MTOR: variants seen among roughly 807,000 people sequenced by gnomAD.
MTOR encodes the protein serine/threonine-protein kinase mTOR.
In MTOR, 70 loss-of-function variants were observed where a neutral mutation model predicts 319.8. The observed-to-expected ratio is 0.22, with a 90% CI of 0.18 to 0.27. The LOEUF (loss-of-function observed/expected upper bound fraction) is 0.27, where lower values mean the gene tolerates loss of function less well. MTOR is among the 10% of genes least tolerant of loss of function. The probability of loss-of-function intolerance (pLI) is 1.00; values close to 1 mark genes in which losing one functional copy is unlikely to be tolerated. For synonymous variants in MTOR, 1,183 were observed against 1,211.4 expected, an observed-to-expected ratio of 0.98 and a Z score of 0.49; for missense variants, 1,890 against 3,274.4, an observed-to-expected ratio of 0.58 and a Z score of 10.32.
At chr1:11,204,514 T>C (rs1557840426) in intron 26 of MTOR, 47 bp downstream of exon 26, 1 of 1,565,590 alleles carries the variant, frequency 6.4e-7, no homozygotes, top group Non-Finnish European at 8.7e-7. Context: ...TTTGTATATA[T>C]CGTTTTCTAT....
At chr1:11,177,477 G>C (rs969414635) in intron 28 of MTOR, among the ~76,000 whole-genome samples, 3 of 152,160 alleles carry the variant, frequency 2.0e-5, no homozygotes, top group African/African-American at 7.2e-5. Flanking sequence ...AGGAACACTT[G>C]AGCCCACGAG....
intron 34 of MTOR, among the ~76,000 whole-genome samples, chr1:11,140,995 AAAAAG>A (rs201102319): frequency 6.6e-6 from 1 of 151,224 alleles, no homozygotes; most frequent in South Asian, 2.1e-4. Flanking sequence ...AAAAAAAAAA[AAAAAG>A]ACTGTTGAGA....
In MTOR at chr1:11,234,181, G is replaced by A. The variant is rs1278746815; in HGVS notation, c.2293C>T (p.Pro765Ser). Residue 765 changes from proline (P) to serine (S), a missense_variant, in exon 14 of 58, where the codon CCC becomes TCC. By Grantham distance (74) the Pro-to-Ser change is moderately conservative (BLOSUM62 -1). Around this residue, in one of 15 missense-constraint regions of MTOR, gnomAD observed 377 missense variants for 653.9 expected, o/e 0.58. Coordinates refer to ENST00000361445, the MANE Select transcript of MTOR (RefSeq NM_004958.4). ...RMLGHLVSNA[P>S]RLIRPYMEPI... ...TCCATGTAGGGGCGGATGAGTCGGG[G>A]GGCATTGGAGACCAGGTGCCCCAGC... 2 of 1,614,130 alleles carry A rather than the reference G, an allele frequency of 1.2e-6. No homozygotes were observed. Among genetic ancestry groups the A allele is most frequent in the South Asian group, 1.1e-5 (1 of 91,080 alleles).
chr1:11,234,904 C>T (rs1002304091), intron 13 of MTOR, among the ~76,000 whole-genome samples: 2 of 152,112 alleles, frequency 1.3e-5, no homozygotes, highest in Non-Finnish European at 2.9e-5. Flanking sequence ...GTGACATAGA[C>T]AGCATAATAT....
At chr1:11,259,215 C>A (rs775279204) in intron 2 of MTOR, 33 bp downstream of exon 2, 2 of 1,606,194 alleles carry the variant, frequency 1.2e-6, no homozygotes, top group African/African-American at 1.3e-5. Context: ...GCCCACACAT[C>A]CCACAATGAC....
chr1:11,139,118 T>A, intron 36 of MTOR, 186 bp downstream of exon 36: 4 of 703,610 alleles, frequency 5.7e-6, no homozygotes, highest in Non-Finnish European at 9.5e-6. Flanking sequence ...ATACACACCA[T>A]CTCCTCAACT....
chr1:11,165,851 A>G (rs1474562768), intron 29 of MTOR, among the ~76,000 whole-genome samples: 5 of 152,212 alleles, frequency 3.3e-5, no homozygotes, highest in African/African-American at 9.7e-5. Context: ...ATTATACTAC[A>G]AGGCTACAGT....
intron 13 of MTOR, among the ~76,000 whole-genome samples, chr1:11,235,159 G>A (rs1319349900): frequency 2.6e-5 from 4 of 152,212 alleles, no homozygotes; most frequent in Admixed American, 2.6e-4. Flanking sequence ...GCAGCACCAA[G>A]AAGACATGGC....
chr1:11,251,273 T>C (rs1386216399), intron 6 of MTOR, among the ~76,000 whole-genome samples: 2 of 152,186 alleles, frequency 1.3e-5, no homozygotes, highest in African/African-American at 4.8e-5. Flanking sequence ...GCTCCTCTAA[T>C]ACACCAGCAC....
chr1:11,214,049 T>A (rs931008487), intron 20 of MTOR, among the ~76,000 whole-genome samples: 1 of 152,238 alleles, frequency 6.6e-6, no homozygotes, highest in African/African-American at 2.4e-5. Flanking sequence ...CCCCAGAATC[T>A]ATCAATCAGA....
At chr1:11,108,391 T>G in intron 56 of MTOR, 105 bp from the exon 57 acceptor site, 1 of 898,680 alleles carries the variant, frequency 1.1e-6, no homozygotes. Context: ...TCGTCAGACA[T>G]GAAGATGAAG....
chr1:11,171,869 T>C (rs956682126), intron 28 of MTOR, among the ~76,000 whole-genome samples: 2 of 151,940 alleles, frequency 1.3e-5, no homozygotes, highest in Admixed American at 1.3e-4. Flanking sequence ...ACCCCATCTC[T>C]ACTAAAAATA....
In MTOR at chr1:11,169,591, T is replaced by C. The variant is rs565779826; in HGVS notation, c.4254-2074A>G. The stretch of plus-strand genomic sequence containing the variant: ...TGTGATGGTAAAAACCCAATCATCA[T>C]GCATAAATGTATACAAAAGGATTGA... On this transcript the variant is annotated intron_variant, in intron 28 of 57. Transcript: ENST00000361445. Among the ~76,000 whole-genome samples the C allele has an allele frequency of 3.9e-5, 6 of 152,372 alleles. No individual in the cohort carries two copies. In the South Asian group the frequency reaches 1.2e-3, roughly 32 times the overall value.
intron 29 of MTOR, among the ~76,000 whole-genome samples, chr1:11,163,944 T>C (rs1487631790): frequency 6.6e-6 from 1 of 151,966 alleles, no homozygotes; most frequent in Non-Finnish European, 1.5e-5. Flanking sequence ...AGAGCAGAAC[T>C]GAAGGAGACA....
intron 34 of MTOR, among the ~76,000 whole-genome samples, chr1:11,141,807 A>C (rs1643720727): frequency 1.3e-5 from 2 of 150,168 alleles, no homozygotes; most frequent in Admixed American, 1.3e-4. Flanking sequence ...TAATACGGTG[A>C]AACCCCGTCT....
rs1220273261 is a variant in MTOR, at chr1:11,199,289, G to A, written c.4222C>T (p.Pro1408Ser). ...AGAGATTCTAGAATGGCAGGGGTGG[G>A]GCCTTTCTGGAACTCCAGTTCTTTG... ...HYKELEFQKG[P>S]TPAILESLIS... Residue 1408 changes from proline (P) to serine (S), a missense_variant, in exon 28 of 58, where the codon CCC becomes TCC. Pro to Ser is a moderately conservative substitution (Grantham distance 74, BLOSUM62 -1). This residue lies in a region of MTOR where 45 missense variants were observed against 107.2 expected (regional missense o/e 0.42). Transcript: ENST00000361445. The surrounding 1 kb of genome is among the most constrained non-coding windows in gnomAD (Gnocchi z 4.5). 9.3e-6 allele frequency: 15 copies of A among 1,614,060 alleles called. No homozygotes were observed. The East Asian group carries it at 3.3e-4, about 36-fold the overall frequency.
intron 6 of MTOR, among the ~76,000 whole-genome samples, chr1:11,251,173 T>A (rs1398531491): frequency 6.6e-6 from 1 of 152,034 alleles, no homozygotes; most frequent in Non-Finnish European, 1.5e-5. Context: ...CCTCCTTCCC[T>A]TAGGTGTTCC....
chr1:11,179,376 C>T (rs1402444928), intron 28 of MTOR, among the ~76,000 whole-genome samples: 1 of 152,330 alleles, frequency 6.6e-6, no homozygotes, highest in South Asian at 2.1e-4. Context: ...GAAGCAGTTT[C>T]TCTAAGTCAG....
rs1643274917 is a variant in MTOR, at chr1:11,133,827, TGGAG to T, written c.5246+520_5246+523del. On this transcript the variant is annotated intron_variant, in intron 37 of 57. Transcript: ENST00000361445. This position sits in a 1 kb window ranked among gnomAD's most constrained non-coding sequence, Gnocchi z 4.0. ...ATAATCCCAGCATTTTGGAAGGCTG[TGGAG>T]GGAGGCTGGCTGGAGCACAGGAGTT... Among the ~76,000 whole-genome samples, 1 of 152,012 alleles carries T rather than the reference TGGAG, an allele frequency of 6.6e-6. No homozygotes were observed. The highest frequency in any genetic ancestry group is 2.4e-5 in the African/African-American group (1 of 41,378).
Sources: allele counts gnomAD v4.1 joint callset (sites outside exome capture counted in the v4.1 genomes callset), GRCh38; gene constraint gnomAD v4.1.1; regional missense constraint gnomAD v4.1.1; non-coding constraint Gnocchi (gnomAD v3.1); transcripts MANE v1.5; gene names NCBI Gene and HGNC (gene_info 2026-07-23, HGNC 2026-07-21).